The following PCDHA2 variants were observed in gnomAD, a reference collection of about 807,000 sequenced individuals.
The protein encoded by PCDHA2 is protocadherin alpha-2.
PCDHA2 carries 58 observed loss-of-function variants against 66.0 expected under a neutral mutation model. The ratio of observed to expected loss-of-function variants is 0.88; its 90% CI spans 0.71 to 1.09. The LOEUF is 1.09. Ranked by LOEUF, PCDHA2 falls within the 50% of genes least tolerant of loss-of-function variation. The pLI is 0.00. For synonymous variants in PCDHA2, 634 were observed against 554.0 expected, an observed-to-expected ratio of 1.14 and a Z score of -2.03; for missense variants, 1,267 against 1,242.3, an observed-to-expected ratio of 1.02 and a Z score of -0.30.
At chr5:140,857,067 T>G (rs1245365064) in intron 1 of PCDHA2, 2 of 1,596,142 alleles carry the variant, frequency 1.3e-6, no homozygotes, top group East Asian at 2.2e-5. Context: ...GTGGAACTAC[T>G]GGATGAAAAT....
chr5:140,798,624 T>C (rs1762346188), intron 1 of PCDHA2, among the ~76,000 whole-genome samples: 1 of 152,200 alleles, frequency 6.6e-6, no homozygotes, highest in Non-Finnish European at 1.5e-5. Flanking sequence ...GAATACATTT[T>C]CCATTAATGT....
chr5:140,877,699 A>G (rs1554169995), intron 1 of PCDHA2: 2 of 1,613,896 alleles, frequency 1.2e-6, no homozygotes, highest in Middle Eastern at 1.7e-4. Flanking sequence ...GGTGTGCTCC[A>G]GCGCCGTGGG....
At chr5:140,984,965 T>G (rs2097128606) in intron 3 of PCDHA2, among the ~76,000 whole-genome samples, 1 of 151,666 alleles carries the variant, frequency 6.6e-6, no homozygotes, top group Non-Finnish European at 1.5e-5. Context: ...TGAGACAGAG[T>G]CTCGCTCTGT....
At chr5:140,966,679 G>A (rs1554228549) in intron 1 of PCDHA2, 1 of 1,317,562 alleles carries the variant, frequency 7.6e-7, no homozygotes, top group Non-Finnish European at 9.8e-7. Flanking sequence ...AGGGTGGCAC[G>A]AGCGGAGGCG....
chr5:140,886,281 T>C (rs2060932567), intron 1 of PCDHA2, among the ~76,000 whole-genome samples: 1 of 151,934 alleles, frequency 6.6e-6, no homozygotes, highest in African/African-American at 2.4e-5. Flanking sequence ...TTTTTAAAAT[T>C]ATTTTTATAT....
chr5:140,863,884 C>T (rs1388458800), intron 1 of PCDHA2: 1 of 167,076 alleles, frequency 6.0e-6, no homozygotes, highest in Non-Finnish European at 1.3e-5. Flanking sequence ...ACCTGTAATC[C>T]CAGCTACTCA....
intron 1 of PCDHA2, chr5:140,871,726 T>A (rs1412265993): frequency 1.3e-6 from 1 of 740,884 alleles, no homozygotes; most frequent in Non-Finnish European, 2.1e-6. Flanking sequence ...CTCTTAATAT[T>A]TGGTTAGCAA....
chr5:140,870,288 G>A (rs782327278), intron 1 of PCDHA2: 4 of 1,614,090 alleles, frequency 2.5e-6, no homozygotes, highest in Admixed American at 3.3e-5. Flanking sequence ...TTCCCTTCAA[G>A]CTGGTGTCCA....
At chr5:140,967,626 G>T in intron 1 of PCDHA2, 2 of 1,614,138 alleles carry the variant, frequency 1.2e-6, no homozygotes, top group Non-Finnish European at 1.7e-6. Flanking sequence ...CCGGATGAGG[G>T]CTCCAATGGT....
intron 1 of PCDHA2, among the ~76,000 whole-genome samples, chr5:140,838,280 A>ATTTTT (rs2150286950): frequency 0.017 from 2,338 of 139,538 alleles, 73 homozygotes; most frequent in African/African-American, 0.061. Flanking sequence ...AGCCATGCTA[A>ATTTTT]TTTTTTTTTT....
intron 1 of PCDHA2, among the ~76,000 whole-genome samples, chr5:140,946,637 G>T: frequency 1.5e-5 from 1 of 64,620 alleles, no homozygotes; most frequent in African/African-American, 1.0e-4. Flanking sequence ...TATATACAAT[G>T]GAATACTCAT....
At chr5:140,902,442 T>G (rs1182491503) in intron 1 of PCDHA2, among the ~76,000 whole-genome samples, 1 of 152,166 alleles carries the variant, frequency 6.6e-6, no homozygotes, top group Non-Finnish European at 1.5e-5. Flanking sequence ...CCTTGTCATA[T>G]TCTAGATCCT....
chr5:140,869,102 C>G, intron 1 of PCDHA2: 1 of 1,598,758 alleles, frequency 6.3e-7, no homozygotes, highest in Non-Finnish European at 8.5e-7. Context: ...ATTTCGTATG[C>G]GATGTTTGGT....
chr5:140,968,782 C>T (rs1256152245), intron 1 of PCDHA2: 43 of 1,614,072 alleles, frequency 2.7e-5, no homozygotes, highest in African/African-American at 8.0e-5. Flanking sequence ...CACTATCAGC[C>T]TCTGTGGCCA....
At chr5:140,920,481 G>T (rs2079651233) in intron 1 of PCDHA2, among the ~76,000 whole-genome samples, 1 of 151,886 alleles carries the variant, frequency 6.6e-6, no homozygotes, top group Non-Finnish European at 1.5e-5. Context: ...TATGTTTTTG[G>T]TCCAACAATA....
chr5:140,822,387 A>G, intron 1 of PCDHA2: 2 of 1,614,150 alleles, frequency 1.2e-6, no homozygotes, highest in Non-Finnish European at 1.7e-6. Context: ...GAGAAGAAAC[A>G]CAAGAACACC....
At position 140,870,584 on chromosome 5, in the gene PCDHA2, T is replaced by C. The variant is rs782563992; in HGVS notation, c.2388+73232T>C. The C allele has an allele frequency of 2.5e-6, 4 of 1,613,672 alleles. No homozygotes were observed. In the African/African-American group the frequency reaches 5.3e-5, roughly 22 times the overall value. On this transcript the variant is annotated intron_variant, in intron 1 of 3. Coordinates refer to ENST00000526136, the MANE Select transcript of PCDHA2 (RefSeq NM_018905.3). ...AACGCGCTGGTGTCCTACTCGCTGG[T>C]GGAGCGGCGGTTGGGCGACCGCGCG...
At chr5:140,802,372 A>G (rs782096760) in intron 1 of PCDHA2, 7 of 1,614,222 alleles carry the variant, frequency 4.3e-6, no homozygotes, top group Non-Finnish European at 5.9e-6. Flanking sequence ...CTGACGCCCC[A>G]CGTCCCCTTC....
chr5:140,851,489 T>A, intron 1 of PCDHA2: 1 of 887,850 alleles, frequency 1.1e-6, no homozygotes, highest in Admixed American at 6.3e-5. Context: ...AACACAGCCT[T>A]CATTTCAACT....
Sources: gnomAD v4.1 joint callset for allele counts (sites outside exome capture counted in the v4.1 genomes callset) on GRCh38, gnomAD v4.1.1 for gene constraint, MANE v1.5 for transcripts, NCBI Gene and HGNC (gene_info 2026-07-23, HGNC 2026-07-21) for gene names.